Variants in L3MBTL4 observed in about 807,000 individuals in gnomAD.
L3MBTL4 encodes L3MBTL histone methyl-lysine binding protein 4.
L3MBTL4 carries 70 observed loss-of-function variants against 84.5 expected under a neutral mutation model. The observed-to-expected ratio is 0.83, with a 90% CI of 0.68 to 1.01. L3MBTL4 has a LOEUF of 1.01. Among genes scored for constraint, L3MBTL4 ranks in the 50% least tolerant of loss-of-function variants. The probability of loss-of-function intolerance (pLI) is 0.00; values close to 1 mark genes in which losing one functional copy is unlikely to be tolerated. For missense variants in L3MBTL4, 715 were observed against 754.8 expected, an observed-to-expected ratio of 0.95 and a Z score of 0.62; for synonymous variants, 274 against 259.8, an observed-to-expected ratio of 1.05 and a Z score of -0.52.
At chr18:6,044,904 T>C (rs889269975) in intron 16 of L3MBTL4, among the ~76,000 whole-genome samples, 1 of 152,224 alleles carries the variant, frequency 6.6e-6, no homozygotes, top group Non-Finnish European at 1.5e-5. Context: ...TATTTTCCTG[T>C]GCATTTACTT....
At chr18:6,110,765 A>G (rs1466541560) in intron 14 of L3MBTL4, among the ~76,000 whole-genome samples, 1 of 152,130 alleles carries the variant, frequency 6.6e-6, no homozygotes, top group Non-Finnish European at 1.5e-5. Context: ...GGTCAATGAC[A>G]GCTATACATG....
chr18:6,020,710 G>A (rs2055210327), intron 16 of L3MBTL4, among the ~76,000 whole-genome samples: 2 of 152,210 alleles, frequency 1.3e-5, no homozygotes, highest in Admixed American at 6.5e-5. Context: ...GGTGATTTGT[G>A]AAGGAGAGGA....
At chr18:6,387,047 A>G (rs2144455557) in intron 1 of L3MBTL4, among the ~76,000 whole-genome samples, 1 of 152,318 alleles carries the variant, frequency 6.6e-6, no homozygotes, top group African/African-American at 2.4e-5. Context: ...TACATTTCGA[A>G]GGTACAGCAG....
intron 1 of L3MBTL4, among the ~76,000 whole-genome samples, chr18:6,407,382 T>C (rs1302277578): frequency 1.3e-5 from 2 of 151,708 alleles, no homozygotes; most frequent in Non-Finnish European, 2.9e-5. Flanking sequence ...ACCTATAGTT[T>C]TAGAAGAGAA....
chr18:5,957,379 A>G (rs1372240689), intron 18 of L3MBTL4, among the ~76,000 whole-genome samples: 5 of 152,296 alleles, frequency 3.3e-5, no homozygotes, highest in Non-Finnish European at 7.3e-5. Context: ...TTGTTTTGAC[A>G]ATTAAATATT....
At chr18:6,143,891 G>A (rs530247760) in intron 13 of L3MBTL4, among the ~76,000 whole-genome samples, 1 of 152,148 alleles carries the variant, frequency 6.6e-6, no homozygotes, top group Admixed American at 6.5e-5. Flanking sequence ...TTTATGAGTG[G>A]GAAAATGATA....
intron 16 of L3MBTL4, among the ~76,000 whole-genome samples, chr18:6,073,415 A>C (rs887376662): frequency 1.3e-5 from 2 of 152,174 alleles, no homozygotes; most frequent in Non-Finnish European, 2.9e-5. Flanking sequence ...TTGAATCTAC[A>C]ATTAAAATTC....
intron 16 of L3MBTL4, among the ~76,000 whole-genome samples, chr18:6,062,465 T>A (rs1264236581): frequency 6.6e-6 from 1 of 151,992 alleles, no homozygotes; most frequent in Non-Finnish European, 1.5e-5. Flanking sequence ...GATGTTTTGA[T>A]ATTTATCCTT....
In L3MBTL4 at chr18:5,958,041, G is replaced by GAGGAGA. The variant is rs1385982951; in HGVS notation, c.1678-1660_1678-1655dup. On this transcript the variant is annotated intron_variant, in intron 18 of 18. Coordinates refer to ENST00000317931, the MANE Select transcript of L3MBTL4 (RefSeq NM_001330559.2). The stretch of plus-strand genomic sequence containing the variant: ...GGAGAAGGAGAAAGAGGAGGAGGAG[G>GAGGAGA]AGGAGAAGGAGAAGGAGAAGGAGAA... Among the ~76,000 whole-genome samples the GAGGAGA allele has an allele frequency of 1.0e-4, 14 of 135,940 alleles. 1 individual carries two copies. The highest frequency in any genetic ancestry group is 9.8e-4 in the South Asian group (4 of 4,074). The allele number at this position is 135,940 out of a possible 152,430, so 89.2% of individuals were successfully genotyped here.
At chr18:6,019,975 G>A (rs1276348144) in intron 16 of L3MBTL4, among the ~76,000 whole-genome samples, 3 of 152,098 alleles carry the variant, frequency 2.0e-5, no homozygotes, top group Admixed American at 1.3e-4. Flanking sequence ...TCATTTATTC[G>A]GAAGTGTCTT....
chr18:6,144,936 A>G (rs771803134), intron 13 of L3MBTL4, among the ~76,000 whole-genome samples: 1 of 152,224 alleles, frequency 6.6e-6, no homozygotes, highest in Non-Finnish European at 1.5e-5. Context: ...CAACACTGCC[A>G]TCCTTGGACC....
intron 10 of L3MBTL4, among the ~76,000 whole-genome samples, chr18:6,227,111 T>C (rs2046813691): frequency 6.6e-6 from 1 of 152,166 alleles, no homozygotes; most frequent in South Asian, 2.1e-4. Flanking sequence ...TCTATAAGTG[T>C]GTGCACCTAA....
chr18:6,093,217 C>T (rs2058516300), intron 15 of L3MBTL4, 138 bp downstream of exon 15: 3 of 638,934 alleles, frequency 4.7e-6, no homozygotes, highest in Non-Finnish European at 7.5e-6. Context: ...TTTTATCAGC[C>T]CAGCGAACCT....
intron 16 of L3MBTL4, among the ~76,000 whole-genome samples, chr18:6,041,771 C>T (rs915855314): frequency 4.6e-5 from 7 of 152,046 alleles, no homozygotes; most frequent in Non-Finnish European, 8.8e-5. Flanking sequence ...GTTGCCTAGG[C>T]GGGAGTTCAA....
chr18:6,133,399 C>T (rs1339195135), intron 14 of L3MBTL4, among the ~76,000 whole-genome samples: 1 of 151,900 alleles, frequency 6.6e-6, no homozygotes, highest in Non-Finnish European at 1.5e-5. Context: ...AAGATGATCT[C>T]CATGGCTATA....
chr18:6,090,601 C>T (rs980684251), intron 15 of L3MBTL4, among the ~76,000 whole-genome samples: 845 of 80,258 alleles, frequency 0.011, 7 homozygotes, highest in African/African-American at 0.075. Context: ...TATACACACA[C>T]ACACACACAC....
intron 14 of L3MBTL4, among the ~76,000 whole-genome samples, chr18:6,129,368 C>CTGTG (rs772735191): frequency 0.029 from 4,027 of 138,236 alleles, 72 homozygotes; most frequent in African/African-American, 0.049. Flanking sequence ...GGAATTCTCT[C>CTGTG]TGTGTGTGTG....
chr18:6,004,997 ATTTTTTTTTTTTT>A (rs60294342), intron 16 of L3MBTL4, among the ~76,000 whole-genome samples: 110 of 52,162 alleles, frequency 2.1e-3, no homozygotes, highest in South Asian at 0.013. Context: ...TAAGATGATA[ATTTTTTTTTTTTT>A]TTTTTTTTTT....
At chr18:6,290,688 C>T (rs2049823495) in intron 4 of L3MBTL4, among the ~76,000 whole-genome samples, 1 of 152,062 alleles carries the variant, frequency 6.6e-6, no homozygotes, top group South Asian at 2.1e-4. Context: ...CCACCATGCC[C>T]AGCTAATTTT....
Sources: allele counts gnomAD v4.1 joint callset (sites outside exome capture counted in the v4.1 genomes callset), GRCh38; gene constraint gnomAD v4.1.1; transcripts MANE v1.5; gene names NCBI Gene and HGNC (gene_info 2026-07-23, HGNC 2026-07-21).